SKAP1: variants seen among roughly 807,000 people sequenced by gnomAD.
SKAP1 encodes src kinase associated phosphoprotein 1.
In SKAP1, 44 loss-of-function variants were observed where a neutral mutation model predicts 58.5. The ratio of observed to expected loss-of-function variants is 0.75; its 90% CI spans 0.59 to 0.97. SKAP1 has a LOEUF of 0.97. Ranked by LOEUF, SKAP1 falls within the 50% of genes least tolerant of loss-of-function variation. The probability of loss-of-function intolerance (pLI) is 0.00; values close to 1 mark genes in which losing one functional copy is unlikely to be tolerated. For synonymous variants in SKAP1, 127 were observed against 149.7 expected (o/e 0.85, Z 1.11); for missense variants, 390 against 435.2 (o/e 0.90, Z 0.92).
intron 9 of SKAP1, 33 bp from the exon 10 acceptor site, chr17:48,170,692 G>C: frequency 7.1e-6 from 11 of 1,543,770 alleles, no homozygotes; most frequent in East Asian, 2.2e-5. Flanking sequence ...TTAGCAATTA[G>C]TGGTTCACAG....
intron 11 of SKAP1, among the ~76,000 whole-genome samples, chr17:48,150,165 G>A (rs1211974627): frequency 1.3e-5 from 2 of 152,152 alleles, no homozygotes; most frequent in Non-Finnish European, 2.9e-5. Flanking sequence ...CTTGCTGTAG[G>A]ATCAGGCTGT....
intron 2 of SKAP1, among the ~76,000 whole-genome samples, chr17:48,372,281 G>A (rs1222049116): frequency 6.8e-6 from 1 of 147,414 alleles, no homozygotes; most frequent in Non-Finnish European, 1.5e-5. Context: ...CCTGTGCTAG[G>A]TATATGTTTT....
At chr17:48,345,295 AAAT>A (rs1193305177) in intron 4 of SKAP1, among the ~76,000 whole-genome samples, 3 of 152,246 alleles carry the variant, frequency 2.0e-5, no homozygotes, top group Non-Finnish European at 4.4e-5. Context: ...TTGAATATAA[AAAT>A]AATGTTTCTA....
rs1016962008 is a variant in SKAP1, at chr17:48,133,722, A to G, written c.*102T>C. 1.3e-5 allele frequency: 2 copies of G among 152,648 alleles called. No individual in the cohort carries two copies. The highest frequency in any genetic ancestry group is 2.9e-5 in the Non-Finnish European group (2 of 68,044). The allele number at this position is 152,648 out of a possible 1,614,324, so 9.5% of individuals were successfully genotyped here. Reference sequence around the variant, plus strand: ...CTTGGGTCTCTTCAGCAAAGAGAGGAGTCCAAGGCGTTGGTGGGGTGGCAG... The same window carrying G: ...CTTGGGTCTCTTCAGCAAAGAGAGGGGTCCAAGGCGTTGGTGGGGTGGCAG... On this transcript the variant is annotated 3_prime_UTR_variant, in exon 13 of 13. Coordinates refer to ENST00000336915, the MANE Select transcript of SKAP1 (RefSeq NM_003726.4).
intron 4 of SKAP1, among the ~76,000 whole-genome samples, chr17:48,282,340 AT>A (rs886717457): frequency 1.3e-5 from 2 of 150,334 alleles, no homozygotes; most frequent in South Asian, 2.1e-4. Flanking sequence ...CTAATGCCTT[AT>A]TTTTTTTAAC....
chr17:48,193,602 C>A (rs1212251803), intron 4 of SKAP1: 1 of 784,392 alleles, frequency 1.3e-6, no homozygotes, highest in Non-Finnish European at 1.5e-6. Context: ...CATGATCTAT[C>A]TGACAAATCC....
chr17:48,215,587 A>G (rs902198560), intron 4 of SKAP1, among the ~76,000 whole-genome samples: 7 of 152,168 alleles, frequency 4.6e-5, no homozygotes, highest in African/African-American at 1.7e-4. Flanking sequence ...GTTGTGAGAT[A>G]TGACTCTGGA....
intron 9 of SKAP1, among the ~76,000 whole-genome samples, chr17:48,172,381 C>G (rs1465580422): frequency 6.6e-6 from 1 of 152,108 alleles, no homozygotes; most frequent in African/African-American, 2.4e-5. Flanking sequence ...TTTCTTACTC[C>G]CATTAACCGG....
chr17:48,371,652 C>CAAAAA (rs2067086872), intron 2 of SKAP1, among the ~76,000 whole-genome samples: 1 of 37,884 alleles, frequency 2.6e-5, no homozygotes, highest in Non-Finnish European at 4.5e-5. Context: ...ACCTTGTCTC[C>CAAAAA]ACAAAAAAAA....
intron 11 of SKAP1, among the ~76,000 whole-genome samples, chr17:48,141,775 G>A (rs1056634494): frequency 3.3e-5 from 5 of 152,152 alleles, no homozygotes; most frequent in Non-Finnish European, 7.4e-5. Flanking sequence ...GTGTTCCTTA[G>A]TAAAATAGAA....
chr17:48,438,550 C>T, the SKAP1 span, among the ~76,000 whole-genome samples: 1 of 152,110 alleles, frequency 6.6e-6, no homozygotes, highest in Non-Finnish European at 1.5e-5. Context: ...TTCCTTGGCA[C>T]CAGGCTCTAA....
intron 3 of SKAP1, among the ~76,000 whole-genome samples, chr17:48,360,184 C>G (rs1482043280): frequency 6.6e-6 from 1 of 151,838 alleles, no homozygotes; most frequent in Non-Finnish European, 1.5e-5. Flanking sequence ...CATGGTCTTC[C>G]CTAGATTTTT....
At chr17:48,260,195 T>C (rs2065469360) in intron 4 of SKAP1, among the ~76,000 whole-genome samples, 1 of 152,156 alleles carries the variant, frequency 6.6e-6, no homozygotes, top group African/African-American at 2.4e-5. Flanking sequence ...AGGAATTTGA[T>C]GTGGACAAGA....
chr17:48,230,829 A>C (rs911258871), intron 4 of SKAP1, among the ~76,000 whole-genome samples: 2 of 152,204 alleles, frequency 1.3e-5, no homozygotes, highest in African/African-American at 4.8e-5. Context: ...TTAGACAGAC[A>C]TGTAATGAAA....
At position 48,221,316 on chromosome 17, in the gene SKAP1, G is replaced by A. The variant is rs139026799; in HGVS notation, c.281-31816C>T. On this transcript the variant is annotated intron_variant, in intron 4 of 12. Transcript: ENST00000336915. ...ATTGAGTTCTACATTTATGATTTGC[G>A]CATTTTTCTGTATATATGATGTATT... is the stretch of plus-strand genomic sequence containing the variant. Among the ~76,000 whole-genome samples the A allele has an allele frequency of 2.9e-3, 439 of 152,096 alleles. 4 individuals carry two copies. Among genetic ancestry groups the A allele is most frequent in the African/African-American group, 9.7e-3 (404 of 41,492 alleles).
intron 8 of SKAP1, among the ~76,000 whole-genome samples, chr17:48,182,103 G>A (rs2064377341): frequency 6.6e-6 from 1 of 152,062 alleles, no homozygotes; most frequent in Non-Finnish European, 1.5e-5. Flanking sequence ...CACCGAATTG[G>A]GCTGAGCTGA....
At chr17:48,438,942 A>G in the SKAP1 span, among the ~76,000 whole-genome samples, 1 of 152,208 alleles carries the variant, frequency 6.6e-6, no homozygotes, top group Non-Finnish European at 1.5e-5. Context: ...AGAGTGAATG[A>G]GAAGTTGAAT....
intron 1 of SKAP1, among the ~76,000 whole-genome samples, chr17:48,404,867 TAAAAG>T (rs1180905550): frequency 2.0e-5 from 3 of 151,876 alleles, no homozygotes; most frequent in South Asian, 2.1e-4. Flanking sequence ...AAGCTGAAAA[TAAAAG>T]AAGAGAGGTG....
At chr17:48,200,679 T>C (rs2064716067) in intron 4 of SKAP1, among the ~76,000 whole-genome samples, 1 of 152,170 alleles carries the variant, frequency 6.6e-6, no homozygotes, top group South Asian at 2.1e-4. Context: ...CGCCCGGCCC[T>C]GGGCCATTCT....
Sources: gnomAD v4.1 joint callset for allele counts (sites outside exome capture counted in the v4.1 genomes callset) on GRCh38, gnomAD v4.1.1 for gene constraint, MANE v1.5 for transcripts, NCBI Gene and HGNC (gene_info 2026-07-23, HGNC 2026-07-21) for gene names.